The following ZNF236 variants were observed in gnomAD, a reference collection of about 807,000 sequenced individuals.
ZNF236 encodes the protein regulated by glucose.
In ZNF236, 50 loss-of-function variants were observed where a neutral mutation model predicts 191.2. The ratio of observed to expected loss-of-function variants is 0.26; its 90% CI spans 0.21 to 0.33. The LOEUF (loss-of-function observed/expected upper bound fraction) is 0.33, where lower values mean the gene tolerates loss of function less well. Among genes scored for constraint, ZNF236 ranks in the 10% least tolerant of loss-of-function variants. The pLI is 1.00. For synonymous variants in ZNF236, 907 were observed against 928.8 expected (o/e 0.98, Z 0.43); for missense variants, 1,754 against 2,374.5 (o/e 0.74, Z 5.43).
At chr18:76,840,579 TACTG>T (rs1313933520) in intron 1 of ZNF236, among the ~76,000 whole-genome samples, 1 of 149,478 alleles carries the variant, frequency 6.7e-6, no homozygotes, top group Non-Finnish European at 1.5e-5. Flanking sequence ...TACATACAGA[TACTG>T]ACAAAATTAG....
intron 1 of ZNF236, among the ~76,000 whole-genome samples, chr18:76,835,661 T>G (rs1259443130): frequency 1.3e-5 from 2 of 152,248 alleles, no homozygotes; most frequent in Non-Finnish European, 2.9e-5. Flanking sequence ...TCTTTTACTT[T>G]GTCTTTCTAT....
rs571299919 is a variant in ZNF236, at chr18:76,872,511, A to T, written c.667+686A>T. Among the ~76,000 whole-genome samples, 10 of 152,300 alleles carry T rather than the reference A, an allele frequency of 6.6e-5. No homozygotes were observed. In the South Asian group the frequency reaches 2.1e-3, roughly 32 times the overall value. ...AAAACAAATAAAATAAAAAACAAGGAAGCAGTGGATTTTCATATTCTTTTA... is the reference window on the plus strand; with the variant it reads ...AAAACAAATAAAATAAAAAACAAGGTAGCAGTGGATTTTCATATTCTTTTA... On this transcript the variant is annotated intron_variant, in intron 5 of 30. Coordinates refer to ENST00000320610, the MANE Select transcript of ZNF236 (RefSeq NM_001306089.2).
In ZNF236 at chr18:76,881,485, A is replaced by T. The variant is rs201792021; in HGVS notation, c.1390A>T (p.Ile464Leu). 55 of 1,612,600 alleles carry T rather than the reference A, an allele frequency of 3.4e-5. No individual in the cohort carries two copies. The Admixed American group carries it at 3.5e-4, about 10-fold the overall frequency. The change falls in exon 9 of 31, where the codon ATA becomes TTA. Residue 464 changes from isoleucine to leucine, a missense_variant. Coordinates refer to ENST00000320610, the MANE Select transcript of ZNF236 (RefSeq NM_001306089.2). ...EKLDKKEKKM[I>L]KKKSPFLPGS... is the part of the protein sequence containing the mutation. ...ACTGGATAAAAAAGAAAAAAAAATGATAAAGAAGAAGTCACCGTTTCTACC... is the reference window on the plus strand; with the variant it reads ...ACTGGATAAAAAAGAAAAAAAAATGTTAAAGAAGAAGTCACCGTTTCTACC...
chr18:76,822,803 C>T (rs1200522574), intron 1 of ZNF236, 141 bp downstream of exon 1: 1 of 145,744 alleles, frequency 6.9e-6, no homozygotes, highest in Non-Finnish European at 1.5e-5. Flanking sequence ...CCGCCGCCGC[C>T]GCCGACTGGC....
chr18:76,946,798 T>C (rs1466654517), intron 26 of ZNF236, among the ~76,000 whole-genome samples: 1 of 152,248 alleles, frequency 6.6e-6, no homozygotes, highest in East Asian at 1.9e-4. Context: ...AGTAGTTTTC[T>C]ATAGCATAGC....
chr18:76,873,563 A>G (rs972335399), intron 5 of ZNF236, among the ~76,000 whole-genome samples: 7 of 152,164 alleles, frequency 4.6e-5, no homozygotes, highest in African/African-American at 1.7e-4. Flanking sequence ...TGTTCAGGCA[A>G]TTCCGTGTTC....
chr18:76,822,934 G>A (rs1318391053), intron 1 of ZNF236, among the ~76,000 whole-genome samples: 3 of 148,128 alleles, frequency 2.0e-5, no homozygotes, highest in African/African-American at 7.3e-5. Flanking sequence ...GCGGGTGAGG[G>A]AGCAGGCGGC....
intron 26 of ZNF236, among the ~76,000 whole-genome samples, chr18:76,943,901 G>A (rs1968198239): frequency 6.6e-6 from 1 of 152,140 alleles, no homozygotes; most frequent in Non-Finnish European, 1.5e-5. Context: ...TTGTGTATAG[G>A]CCGGTAAAAT....
At chr18:76,887,481 AC>A (rs1977092590) in intron 9 of ZNF236, 1 of 152,222 alleles carries the variant, frequency 6.6e-6, no homozygotes, top group Non-Finnish European at 1.5e-5. Context: ...GCTTCTATTA[AC>A]CCAGTCCTAG....
At position 76,910,831 on chromosome 18, in the gene ZNF236, TGCATACATG is replaced by T; in HGVS notation, c.2805+24_2805+32del. On this transcript the variant is annotated intron_variant, in intron 16 of 30. Coordinates refer to ENST00000320610, the MANE Select transcript of ZNF236 (RefSeq NM_001306089.2). ...AATGTAGTGAGTATGGACAGAGGGGTGCATACATGGCAGTATTTAGCAGGTGCTATGTTA... is the reference window on the plus strand; with the variant it reads ...AATGTAGTGAGTATGGACAGAGGGGTGCAGTATTTAGCAGGTGCTATGTTA... 1 of 1,613,150 alleles carries T rather than the reference TGCATACATG, an allele frequency of 6.2e-7. No homozygotes were observed. The highest frequency in any genetic ancestry group is 8.5e-7 in the Non-Finnish European group (1 of 1,179,586).
chr18:76,828,872 G>A (rs1396242100), intron 1 of ZNF236, among the ~76,000 whole-genome samples: 2 of 152,146 alleles, frequency 1.3e-5, no homozygotes, highest in South Asian at 4.1e-4. Context: ...TCACCATGTT[G>A]CCCAGGCTGG....
chr18:76,824,272 T>C, intron 1 of ZNF236: 1 of 778,258 alleles, frequency 1.3e-6, no homozygotes, highest in Non-Finnish European at 2.4e-6. Context: ...ATTCTTGTCG[T>C]GATTGCACTT....
Position 76,880,311 on chromosome 18 carries a change from T to C in ZNF236, c.1183T>C (p.Leu395=), listed in dbSNP as rs1207510328. The change falls in exon 8 of 31, where the codon TTA becomes CTA. Residue 395 remains leucine (L), a synonymous_variant. Coordinates refer to ENST00000320610, the MANE Select transcript of ZNF236 (RefSeq NM_001306089.2). The surrounding 1 kb of genome is among the most constrained non-coding windows in gnomAD (Gnocchi z 5.0). Reference sequence around the variant, plus strand: ...CACAGTGGGCATCAACCAGGACATTTTACAGGTGAAGCACGCTTCCCTGCG... The same window carrying C: ...CACAGTGGGCATCAACCAGGACATTCTACAGGTGAAGCACGCTTCCCTGCG... ...SITVGINQDI[L]QQALENSGLS... 1 of 1,610,928 alleles carries C rather than the reference T, an allele frequency of 6.2e-7. No homozygotes were observed.
chr18:76,930,037 A>T (rs187410542), intron 25 of ZNF236, among the ~76,000 whole-genome samples: 1 of 152,244 alleles, frequency 6.6e-6, no homozygotes, highest in Admixed American at 6.5e-5. Context: ...CCCTGTCCAG[A>T]TACAATGAAA....
At chr18:76,909,036 G>T (rs1413729091) in intron 14 of ZNF236, among the ~76,000 whole-genome samples, 2 of 151,746 alleles carry the variant, frequency 1.3e-5, no homozygotes, top group Non-Finnish European at 2.9e-5. Flanking sequence ...ATACAAATAA[G>T]GCTGGGTGTG....
intron 26 of ZNF236, among the ~76,000 whole-genome samples, chr18:76,945,330 T>C (rs891744912): frequency 3.9e-4 from 59 of 152,212 alleles, no homozygotes; most frequent in Non-Finnish European, 1.2e-4. Context: ...TAAGTCCAGG[T>C]TGATTAATAC....
chr18:76,888,473 A>T (rs1599366755), intron 9 of ZNF236: 1 of 152,382 alleles, frequency 6.6e-6, no homozygotes, highest in Non-Finnish European at 1.5e-5. Flanking sequence ...GTGGCTGAGG[A>T]GTCTGCATTT....
intron 1 of ZNF236, among the ~76,000 whole-genome samples, chr18:76,838,239 A>G (rs2122438981): frequency 6.6e-6 from 1 of 152,348 alleles, no homozygotes; most frequent in East Asian, 1.9e-4. Flanking sequence ...TCATAAAGTT[A>G]CTATTTAGGA....
In ZNF236 at chr18:76,960,159, G is replaced by T. The variant is rs918601958; in HGVS notation, c.5242+343G>T. On this transcript the variant is annotated intron_variant, in intron 29 of 30. Coordinates refer to ENST00000320610, the MANE Select transcript of ZNF236 (RefSeq NM_001306089.2). The surrounding 1 kb of genome is among the most constrained non-coding windows in gnomAD (Gnocchi z 4.4). Reference sequence around the variant, plus strand: ...TGGGTCCCATGTCCTCAATGTCACCGGGGAACTTAATTTTTAATCTTCCTC... The same window carrying T: ...TGGGTCCCATGTCCTCAATGTCACCTGGGAACTTAATTTTTAATCTTCCTC... Among the ~76,000 whole-genome samples the T allele has an allele frequency of 2.0e-5, 3 of 152,080 alleles. No individual in the cohort carries two copies. Among genetic ancestry groups the T allele is most frequent in the Non-Finnish European group, 4.4e-5 (3 of 68,012 alleles).
Sources: gnomAD v4.1 joint callset for allele counts (sites outside exome capture counted in the v4.1 genomes callset) on GRCh38, gnomAD v4.1.1 for gene constraint, Gnocchi (gnomAD v3.1) non-coding constraint, MANE v1.5 for transcripts, NCBI Gene and HGNC (gene_info 2026-07-23, HGNC 2026-07-21) for gene names.